Variants in PDK1 observed in about 807,000 individuals in gnomAD.
PDK1 encodes the protein [Pyruvate dehydrogenase (acetyl-transferring)] kinase isozyme 1, mitochondrial.
A neutral mutation model predicts 54.2 loss-of-function variants in PDK1; 39 were observed. The observed-to-expected ratio is 0.72, with a 90% confidence interval of 0.56 to 0.94. The LOEUF (loss-of-function observed/expected upper bound fraction) is 0.94. Ranked by LOEUF, PDK1 falls within the 40% of genes least tolerant of loss-of-function variation. PDK1 has a pLI of 0.00. For missense variants in PDK1, 552 were observed against 566.0 expected (o/e 0.98, Z 0.25); for synonymous variants, 221 against 207.1 (o/e 1.07, Z -0.58).
At chr2:172,646,803 T>C in the PDK1 span, among the ~76,000 whole-genome samples, 1 of 144,706 alleles carries the variant, frequency 6.9e-6, no homozygotes, top group African/African-American at 2.6e-5. Flanking sequence ...AATGGCACGA[T>C]CTCAGCTCAC....
intron 8 of PDK1, among the ~76,000 whole-genome samples, chr2:172,579,850 T>C (rs1483006583): frequency 6.6e-6 from 1 of 152,086 alleles, no homozygotes; most frequent in Non-Finnish European, 1.5e-5. Context: ...TTTAGTCTCT[T>C]TCTGATAGTC....
chr2:172,573,348 G>A (rs1012572558), intron 8 of PDK1, among the ~76,000 whole-genome samples: 10 of 152,032 alleles, frequency 6.6e-5, no homozygotes, highest in Admixed American at 5.9e-4. Flanking sequence ...ATGATGTTGA[G>A]CATCTTTTCA....
At chr2:172,622,124 T>C in the PDK1 span, among the ~76,000 whole-genome samples, 3 of 123,592 alleles carry the variant, frequency 2.4e-5, no homozygotes, top group Non-Finnish European at 5.2e-5. Context: ...GATATGTTTA[T>C]ATCTCATATT....
chr2:172,686,622 A>C, the PDK1 span, among the ~76,000 whole-genome samples: 1 of 152,220 alleles, frequency 6.6e-6, no homozygotes, highest in African/African-American at 2.4e-5. Context: ...GCCACTTTTT[A>C]CGCTGTGGAA....
chr2:172,663,338 A>G, the PDK1 span, among the ~76,000 whole-genome samples: 40 of 152,184 alleles, frequency 2.6e-4, no homozygotes, highest in Non-Finnish European at 5.4e-4. Flanking sequence ...TTTTCCAAAT[A>G]CAGTCACATT....
At chr2:172,612,139 G>A (rs948032660), downstream of PDK1, among the ~76,000 whole-genome samples, 2 of 152,126 alleles carry the variant, frequency 1.3e-5, no homozygotes, top group African/African-American at 2.4e-5. Context: ...CCTATGGTAC[G>A]CACTTTATTG....
chr2:172,694,436 TTGA>T, the PDK1 span, among the ~76,000 whole-genome samples: 4 of 152,368 alleles, frequency 2.6e-5, no homozygotes, highest in Middle Eastern at 3.4e-3. Flanking sequence ...CATTATAACA[TTGA>T]TGAGAAAAAA....
the PDK1 span, among the ~76,000 whole-genome samples, chr2:172,687,295 C>T: frequency 6.6e-6 from 1 of 151,674 alleles, no homozygotes; most frequent in Non-Finnish European, 1.5e-5. Flanking sequence ...TCCTGTCTTT[C>T]CTCATTTTCC....
the PDK1 span, among the ~76,000 whole-genome samples, chr2:172,616,515 C>A: frequency 6.6e-6 from 1 of 151,942 alleles, no homozygotes; most frequent in African/African-American, 2.4e-5. Context: ...CATATGAAAA[C>A]CTACGTTTTT....
At chr2:172,722,485 C>A in the PDK1 span, among the ~76,000 whole-genome samples, 1 of 152,280 alleles carries the variant, frequency 6.6e-6, no homozygotes, top group South Asian at 2.1e-4. Flanking sequence ...AGTCGAGAAG[C>A]TAAAAACTAG....
chr2:172,681,669 T>C, the PDK1 span, among the ~76,000 whole-genome samples: 1 of 152,226 alleles, frequency 6.6e-6, no homozygotes, highest in Non-Finnish European at 1.5e-5. Flanking sequence ...ATTATACATG[T>C]TCAGAGGTGA....
chr2:172,679,442 G>A, the PDK1 span, among the ~76,000 whole-genome samples: 1 of 152,044 alleles, frequency 6.6e-6, no homozygotes, highest in Non-Finnish European at 1.5e-5. Flanking sequence ...GCAAGACTCT[G>A]TCTCTTAACA....
downstream of PDK1, among the ~76,000 whole-genome samples, chr2:172,611,701 C>A (rs1270207733): frequency 6.6e-6 from 1 of 152,164 alleles, no homozygotes; most frequent in Non-Finnish European, 1.5e-5. Context: ...CGTGTCATGA[C>A]CAAATGTGAT....
the PDK1 span, among the ~76,000 whole-genome samples, chr2:172,702,792 G>T: frequency 6.6e-6 from 1 of 152,032 alleles, no homozygotes. Context: ...AGGATGGATG[G>T]TTGGAATTAT....
chr2:172,610,293 C>T (rs1354071039), downstream of PDK1, among the ~76,000 whole-genome samples: 1 of 152,100 alleles, frequency 6.6e-6, no homozygotes, highest in East Asian at 1.9e-4. Context: ...CCCTCTTGTT[C>T]TACAGTCACT....
intron 8 of PDK1, among the ~76,000 whole-genome samples, chr2:172,577,972 C>G (rs1558942344): frequency 6.6e-6 from 1 of 152,126 alleles, no homozygotes; most frequent in South Asian, 2.1e-4. Flanking sequence ...TTTGTTTCAG[C>G]CTGAAGGATT....
chr2:172,658,912 A>C, the PDK1 span, among the ~76,000 whole-genome samples: 1 of 152,172 alleles, frequency 6.6e-6, no homozygotes, highest in African/African-American at 2.4e-5. Flanking sequence ...ATAGACCCTT[A>C]TCAGGAGTTT....
At chr2:172,648,432 C>T in the PDK1 span, among the ~76,000 whole-genome samples, 1 of 152,156 alleles carries the variant, frequency 6.6e-6, no homozygotes, top group Non-Finnish European at 1.5e-5. Flanking sequence ...CCAGCGTGAG[C>T]AATGCAGAAG....
the PDK1 span, among the ~76,000 whole-genome samples, chr2:172,648,297 A>G: frequency 6.6e-6 from 1 of 152,220 alleles, no homozygotes. Context: ...TGAAAGATAT[A>G]TATTAGTAAC....
Sources: allele counts gnomAD v4.1 joint callset (sites outside exome capture counted in the v4.1 genomes callset), GRCh38; gene constraint gnomAD v4.1.1; transcripts MANE v1.5; gene names NCBI Gene and HGNC (gene_info 2026-07-23, HGNC 2026-07-21).